CSMD1: variants seen among roughly 807,000 people sequenced by gnomAD.
CSMD1 encodes the protein CUB and sushi domain-containing protein 1.
Under a neutral mutation model 417.5 loss-of-function variants are expected in CSMD1, and 213 were observed. The observed-to-expected ratio is 0.51, with a 90% confidence interval of 0.46 to 0.57. CSMD1 has a LOEUF of 0.57. CSMD1 is among the 20% of genes least tolerant of loss of function. The pLI, the probability that CSMD1 is intolerant of heterozygous loss-of-function variation, is 0.00. For synonymous variants in CSMD1, 2,862 were observed against 1,736.8 expected (o/e 1.65, Z -16.11); for missense variants, 6,923 against 4,529.7 (o/e 1.53, Z -15.17).
intron 5 of CSMD1, among the ~76,000 whole-genome samples, chr8:3,929,623 A>T (rs1280178415): frequency 6.7e-6 from 1 of 150,344 alleles, no homozygotes; most frequent in Non-Finnish European, 1.5e-5. Context: ...CTTTAAAAGG[A>T]AGAGTATATT....
At chr8:3,574,417 G>T (rs1871887) in intron 10 of CSMD1, among the ~76,000 whole-genome samples, 52,113 of 151,832 alleles carry the variant, frequency 0.34, 10,052 homozygotes, top group Middle Eastern at 0.46. Context: ...ATTTTTGTTC[G>T]TATTTTTTAG....
At chr8:3,914,216 A>T (rs879310103) in intron 5 of CSMD1, among the ~76,000 whole-genome samples, 1 of 152,146 alleles carries the variant, frequency 6.6e-6, no homozygotes, top group Admixed American at 6.5e-5. Context: ...TAACTTGAGC[A>T]CCTGCAAAAG....
Position 3,991,328 on chromosome 8 carries a change from C to T in CSMD1, c.818+6575G>A, listed in dbSNP as rs940154. ...CAGGGTGGAGGTACCTAGGTTGTGG[C>T]GTAGTCTGGGATGGCCAGTTTTCTC... On this transcript the variant is annotated intron_variant, in intron 5 of 69. Transcript: ENST00000635120. 5.3e-5 allele frequency among the ~76,000 whole-genome samples: 8 copies of T among 152,076 alleles called. No homozygotes were observed. The South Asian group carries it at 8.3e-4, about 16-fold the overall frequency.
chr8:4,740,163 G>A (rs1235514054), intron 1 of CSMD1, among the ~76,000 whole-genome samples: 2 of 152,192 alleles, frequency 1.3e-5, no homozygotes, highest in South Asian at 2.1e-4. Flanking sequence ...TGCAATGAGA[G>A]CCTGAGCACC....
intron 3 of CSMD1, among the ~76,000 whole-genome samples, chr8:4,325,869 G>C (rs112854652): frequency 7.2e-5 from 11 of 152,110 alleles, no homozygotes; most frequent in African/African-American, 2.2e-4. Flanking sequence ...GGAATTGAGA[G>C]TTCCGTTCTG....
chr8:3,619,319 G>A (rs1802302554), intron 7 of CSMD1, among the ~76,000 whole-genome samples: 1 of 152,002 alleles, frequency 6.6e-6, no homozygotes, highest in Admixed American at 6.6e-5. Context: ...ACTAATTAGT[G>A]AACATTTTCT....
chr8:3,399,378 A>C lies in CSMD1; in HGVS notation c.2405+13T>G. 1.9e-6 allele frequency: 3 copies of C among 1,590,874 alleles called. No homozygotes were observed. The highest frequency in any genetic ancestry group is 2.6e-6 in the Non-Finnish European group (3 of 1,169,248). On this transcript the variant is annotated intron_variant, in intron 16 of 69. Transcript: ENST00000635120. ...CACCATTGGGTCCAAATGAAGACTA[A>C]TTTTTTTCTTACCTGTCAAAAGTTA...
rs181905116 is a variant in CSMD1 at position 3,299,278 on chromosome 8, C to A, written c.3950+8417G>T. ...ACCAGCCTGGCCAATATGGGGAAACCCTGTCTCTACTAAAAATATAAAAAT... is the reference window on the plus strand; with the variant it reads ...ACCAGCCTGGCCAATATGGGGAAACACTGTCTCTACTAAAAATATAAAAAT... On this transcript the variant is annotated intron_variant, in intron 25 of 69. Transcript: ENST00000635120. 8.5e-5 allele frequency among the ~76,000 whole-genome samples: 13 copies of A among 152,056 alleles called. No homozygotes were observed. In the East Asian group the frequency reaches 2.5e-3, roughly 30 times the overall value.
At chr8:3,845,982 G>T (rs536957968) in intron 5 of CSMD1, among the ~76,000 whole-genome samples, 3 of 152,000 alleles carry the variant, frequency 2.0e-5, no homozygotes, top group East Asian at 3.9e-4. Context: ...AGTACCCATG[G>T]AGCCGTCACC....
At chr8:3,205,758 G>C (rs1797217707) in intron 30 of CSMD1, 138 bp from the exon 31 acceptor site, 2 of 482,262 alleles carry the variant, frequency 4.1e-6, no homozygotes, top group Non-Finnish European at 3.7e-6. Context: ...ATCTTGTTTT[G>C]CATTGCTATC....
chr8:4,355,323 ACG>A lies in CSMD1; in HGVS notation c.415+64628_415+64629del, dbSNP rs202109915. Among the ~76,000 whole-genome samples the A allele has an allele frequency of 4.9e-3, 521 of 106,244 alleles. 22 individuals carry two copies. The East Asian group carries it at 0.14, about 29-fold the overall frequency. 69.7% of individuals were successfully genotyped at this position (106,244 alleles called of 152,430 possible). Reference sequence around the variant, plus strand: ...CCACTTCATACACACACACACACACACGCACACACACACACGTATATATGATA... The same window carrying A: ...CCACTTCATACACACACACACACACACACACACACACACGTATATATGATA... On this transcript the variant is annotated intron_variant, in intron 3 of 69. Transcript: ENST00000635120.
At chr8:4,162,474 G>A (rs986365882) in intron 3 of CSMD1, among the ~76,000 whole-genome samples, 4 of 152,132 alleles carry the variant, frequency 2.6e-5, no homozygotes, top group Non-Finnish European at 5.9e-5. Flanking sequence ...CAAAATTTAA[G>A]CCAGTTTGAT....
intron 3 of CSMD1, among the ~76,000 whole-genome samples, chr8:4,261,571 T>G (rs932552220): frequency 1.3e-4 from 20 of 151,864 alleles, no homozygotes; most frequent in African/African-American, 4.8e-4. Context: ...TTTATTTTAT[T>G]TTACCTATTT....
intron 1 of CSMD1, among the ~76,000 whole-genome samples, chr8:4,874,901 G>A (rs1011913746): frequency 2.0e-5 from 3 of 149,490 alleles, no homozygotes; most frequent in East Asian, 3.9e-4. Context: ...TGTATATATA[G>A]TATATACTAT....
intron 33 of CSMD1, among the ~76,000 whole-genome samples, chr8:3,192,599 A>C (rs1187452895): frequency 6.6e-6 from 1 of 152,212 alleles, no homozygotes; most frequent in Non-Finnish European, 1.5e-5. Context: ...GAGGCACGAG[A>C]AGCAGCACTT....
chr8:4,469,548 C>T (rs1220345420), intron 2 of CSMD1, among the ~76,000 whole-genome samples: 3 of 152,160 alleles, frequency 2.0e-5, no homozygotes, highest in African/African-American at 7.2e-5. Flanking sequence ...TCTCAATTAA[C>T]GGCAAACCTA....
chr8:4,199,141 G>C (rs1204006251), intron 3 of CSMD1, among the ~76,000 whole-genome samples: 1 of 152,116 alleles, frequency 6.6e-6, no homozygotes, highest in Non-Finnish European at 1.5e-5. Flanking sequence ...ATTTGTATGA[G>C]ACTGCAGAAC....
intron 55 of CSMD1, among the ~76,000 whole-genome samples, chr8:2,976,960 G>A (rs1460646563): frequency 6.7e-6 from 1 of 150,366 alleles, no homozygotes; most frequent in Non-Finnish European, 1.5e-5. Context: ...TCTCTGCCCA[G>A]AAGAACACAT....
At chr8:4,499,739 A>G (rs967263280) in intron 2 of CSMD1, among the ~76,000 whole-genome samples, 3 of 152,248 alleles carry the variant, frequency 2.0e-5, no homozygotes, top group East Asian at 3.8e-4. Context: ...ATTGACAAGA[A>G]TATTAGAAAA....
Sources: allele counts gnomAD v4.1 joint callset (sites outside exome capture counted in the v4.1 genomes callset), GRCh38; gene constraint gnomAD v4.1.1; transcripts MANE v1.5; gene names NCBI Gene and HGNC (gene_info 2026-07-23, HGNC 2026-07-21).